The following P4HA3 variants were observed in gnomAD, a reference collection of about 807,000 sequenced individuals.
P4HA3 encodes the protein prolyl 4-hydroxylase subunit alpha 3, also known as prolyl 4-hydroxylase subunit alpha-3.
P4HA3 carries 60 observed loss-of-function variants against 66.7 expected under a neutral mutation model. The observed-to-expected ratio is 0.90, with a 90% CI of 0.73 to 1.12. The LOEUF is 1.12. Ranked by LOEUF, P4HA3 falls within the 50% of genes most tolerant of loss-of-function variation. P4HA3 has a pLI of 0.00. For synonymous variants in P4HA3, 263 were observed against 274.6 expected (o/e 0.96, Z 0.42); for missense variants, 683 against 685.8 (o/e 1.00, Z 0.05).
chr11:74,261,460 G>C (rs1859905643), intron 14 of P4HA3, among the ~76,000 whole-genome samples: 1 of 152,180 alleles, frequency 6.6e-6, no homozygotes, highest in African/African-American at 2.4e-5. Context: ...GGTTTACCTG[G>C]GACTTGTAGC....
chr11:74,304,499 A>G, intron 1 of P4HA3, 87 bp from the exon 2 acceptor site: 1 of 1,451,308 alleles, frequency 6.9e-7, no homozygotes, highest in Non-Finnish European at 9.5e-7. Context: ...CATTAAGAGT[A>G]GCTAACACTG....
chr11:74,250,319 T>A (rs2135683421), intron 15 of P4HA3: 1 of 152,378 alleles, frequency 6.6e-6, no homozygotes, highest in South Asian at 2.1e-4. Flanking sequence ...GAGCTTACAG[T>A]GTTCTGTAAG....
chr11:74,301,556 A>G (rs1193964978), intron 3 of P4HA3, among the ~76,000 whole-genome samples: 1 of 152,218 alleles, frequency 6.6e-6, no homozygotes, highest in East Asian at 1.9e-4. Flanking sequence ...ATCAGGACAC[A>G]TGAGACCCAC....
downstream of P4HA3, among the ~76,000 whole-genome samples, chr11:74,263,921 G>GAGAA (rs1041728343): frequency 6.6e-6 from 1 of 152,012 alleles, no homozygotes; most frequent in Non-Finnish European, 1.5e-5. Flanking sequence ...TTAGGAGTTC[G>GAGAA]AGAAAGAAAG....
At chr11:74,256,230 T>C (rs1169295016) in intron 15 of P4HA3, among the ~76,000 whole-genome samples, 1 of 152,176 alleles carries the variant, frequency 6.6e-6, no homozygotes, top group Admixed American at 6.5e-5. Flanking sequence ...GCAGAAGTCA[T>C]TTTGGACCAG....
intron 4 of P4HA3, among the ~76,000 whole-genome samples, chr11:74,295,437 G>A (rs948337351): frequency 1.3e-5 from 2 of 152,110 alleles, no homozygotes; most frequent in Non-Finnish European, 2.9e-5. Context: ...ATGATTAACT[G>A]ATAGAAATGT....
intron 9 of P4HA3, among the ~76,000 whole-genome samples, chr11:74,275,739 G>T (rs1463716929): frequency 6.6e-6 from 1 of 151,950 alleles, no homozygotes; most frequent in African/African-American, 2.4e-5. Context: ...ATAAAGCTGG[G>T]GTTCAATTTA....
intron 10 of P4HA3, among the ~76,000 whole-genome samples, chr11:74,270,864 C>T (rs1860171225): frequency 6.6e-6 from 1 of 152,118 alleles, no homozygotes; most frequent in South Asian, 2.1e-4. Context: ...AACAACACTG[C>T]ACTGAACAAC....
At chr11:74,306,240 A>G (rs949103105) in intron 1 of P4HA3, among the ~76,000 whole-genome samples, 4 of 152,180 alleles carry the variant, frequency 2.6e-5, no homozygotes, top group African/African-American at 9.7e-5. Flanking sequence ...CAACAAATGC[A>G]GAAAAGGGCA....
At chr11:74,286,014 G>C (rs1565413068) in intron 6 of P4HA3, 29 bp from the exon 7 acceptor site, 1 of 1,580,054 alleles carries the variant, frequency 6.3e-7, no homozygotes, top group Admixed American at 1.7e-5. Flanking sequence ...ATGAGCATAA[G>C]AGAAGAAGGG....
At chr11:74,276,406 A>AT (rs1446951017) in intron 9 of P4HA3, among the ~76,000 whole-genome samples, 2 of 151,584 alleles carry the variant, frequency 1.3e-5, no homozygotes, top group South Asian at 2.1e-4. Context: ...CTACAAAAAA[A>AT]ATTTTTTTAA....
At chr11:74,267,466 C>T (rs895762485) in intron 12 of P4HA3, 148 bp from the exon 13 acceptor site, 3 of 956,672 alleles carry the variant, frequency 3.1e-6, no homozygotes, top group African/African-American at 1.6e-5. Flanking sequence ...TAGTCCTGGC[C>T]TCACTATGGA....
chr11:74,279,345 C>A, intron 8 of P4HA3, 43 bp downstream of exon 8: 1 of 1,587,318 alleles, frequency 6.3e-7, no homozygotes, highest in Non-Finnish European at 8.7e-7. Flanking sequence ...TGCTACGGCC[C>A]GAGGGTGGGC....
At chr11:74,294,088 C>T (rs1861130586) in intron 4 of P4HA3, among the ~76,000 whole-genome samples, 2 of 152,358 alleles carry the variant, frequency 1.3e-5, no homozygotes, top group African/African-American at 4.8e-5. Flanking sequence ...GTACACCAAT[C>T]AGACGTAGAT....
intron 7 of P4HA3, among the ~76,000 whole-genome samples, chr11:74,282,137 A>C (rs1202101418): frequency 1.3e-5 from 2 of 150,468 alleles, no homozygotes; most frequent in African/African-American, 4.9e-5. Flanking sequence ...GTTTAAAAAA[A>C]AAAAACAAAA....
chr11:74,276,794 G>A (rs1303792539), intron 9 of P4HA3, among the ~76,000 whole-genome samples, 191 bp downstream of exon 9: 2 of 152,134 alleles, frequency 1.3e-5, no homozygotes, highest in Non-Finnish European at 2.9e-5. Context: ...GAAGGGAGAT[G>A]GTGGCAGACA....
chr11:74,265,325 C>T (rs116326487), downstream of P4HA3, among the ~76,000 whole-genome samples: 785 of 152,202 alleles, frequency 5.2e-3, 9 homozygotes, highest in African/African-American at 0.018. Flanking sequence ...TGCAGAAATC[C>T]TAGGAATGTG....
intron 7 of P4HA3, among the ~76,000 whole-genome samples, chr11:74,285,154 A>G (rs1256956420): frequency 6.6e-6 from 1 of 152,174 alleles, no homozygotes; most frequent in Non-Finnish European, 1.5e-5. Context: ...CTCTCAAAAT[A>G]TCTTATTGTA....
intron 9 of P4HA3, among the ~76,000 whole-genome samples, chr11:74,274,181 T>C (rs1860308146): frequency 6.6e-6 from 1 of 152,144 alleles, no homozygotes; most frequent in South Asian, 2.1e-4. Flanking sequence ...ACCTCCAACC[T>C]CAGGCAACCC....
Sources: allele counts gnomAD v4.1 joint callset (sites outside exome capture counted in the v4.1 genomes callset), GRCh38; gene constraint gnomAD v4.1.1; transcripts MANE v1.5; gene names NCBI Gene and HGNC (gene_info 2026-07-23, HGNC 2026-07-21).